HAPLN1: variants seen among roughly 807,000 people sequenced by gnomAD.
HAPLN1 encodes Cartilage link protein.
Under a neutral mutation model 36.5 loss-of-function variants are expected in HAPLN1, and 13 were observed. That is an observed-to-expected ratio of 0.36 (90% CI 0.23 to 0.57). The LOEUF is 0.57. Among genes scored for constraint, HAPLN1 ranks in the 20% least tolerant of loss-of-function variants. The pLI is 0.83. For missense variants in HAPLN1, 407 were observed against 439.7 expected (o/e 0.93, Z 0.66); for synonymous variants, 202 against 169.8 (o/e 1.19, Z -1.48).
chr5:83,645,699 T>C (rs1021238975), intron 3 of HAPLN1, among the ~76,000 whole-genome samples: 72 of 152,196 alleles, frequency 4.7e-4, no homozygotes, highest in African/African-American at 1.7e-3. Flanking sequence ...GAAAGCATCA[T>C]GGTACTCTTG....
chr5:83,641,722 A>G lies in HAPLN1; in HGVS notation c.839T>C (p.Leu280Pro). ...TTTTGCAATCTGAGCACCATCATTG[A>G]GACAAGCTTGCACCGCTTCATCATA... ...LTYDEAVQACLNDGAQIAKVG... is the reference protein window; with the variant it reads ...LTYDEAVQACPNDGAQIAKVG... Residue 280 changes from leucine to proline, a missense_variant, in exon 5 of 5, where the codon CTC becomes CCC. Coordinates refer to ENST00000274341, the MANE Select transcript of HAPLN1 (RefSeq NM_001884.4). The G allele has an allele frequency of 6.2e-7, 1 of 1,614,164 alleles. No homozygotes were observed. The highest frequency in any genetic ancestry group is 8.5e-7 in the Non-Finnish European group (1 of 1,180,026).
chr5:83,650,695 T>C (rs1750032108), intron 3 of HAPLN1, among the ~76,000 whole-genome samples: 1 of 145,970 alleles, frequency 6.9e-6, no homozygotes, highest in Non-Finnish European at 1.5e-5. Flanking sequence ...AGTGCAGTGG[T>C]GTGATCTCGG....
intron 1 of HAPLN1, among the ~76,000 whole-genome samples, chr5:83,691,643 G>T (rs1396178099): frequency 6.6e-6 from 1 of 151,910 alleles, no homozygotes; most frequent in Non-Finnish European, 1.5e-5. Context: ...AGTAATATTT[G>T]TAGGAATAAG....
intron 3 of HAPLN1, among the ~76,000 whole-genome samples, chr5:83,649,353 C>T (rs1409167457): frequency 6.6e-6 from 1 of 152,134 alleles, no homozygotes; most frequent in Non-Finnish European, 1.5e-5. Context: ...ATTTCTCTCT[C>T]TTATCTATGA....
intron 1 of HAPLN1, among the ~76,000 whole-genome samples, chr5:83,689,871 T>C (rs7707093): frequency 0.18 from 27,526 of 152,150 alleles, 3,215 homozygotes; most frequent in Non-Finnish European, 0.26. Context: ...AATTTTTTCA[T>C]TGGATTTATA....
intron 1 of HAPLN1, among the ~76,000 whole-genome samples, chr5:83,701,675 C>A (rs1330953705): frequency 1.3e-5 from 2 of 152,164 alleles, no homozygotes; most frequent in Non-Finnish European, 2.9e-5. Flanking sequence ...CGGTGACTCA[C>A]GCCAGTAATC....
intron 1 of HAPLN1, among the ~76,000 whole-genome samples, chr5:83,698,089 A>G (rs1023305979): frequency 6.6e-6 from 1 of 152,124 alleles, no homozygotes; most frequent in African/African-American, 2.4e-5. Context: ...CCACTGCTTA[A>G]TCAAAGGTCA....
intron 2 of HAPLN1, among the ~76,000 whole-genome samples, chr5:83,660,986 C>A (rs77503798): frequency 0.016 from 2,365 of 152,216 alleles, 26 homozygotes; most frequent in Middle Eastern, 0.027. Flanking sequence ...TACAAAACAG[C>A]GTCTATCTTC....
intron 1 of HAPLN1, among the ~76,000 whole-genome samples, chr5:83,716,561 C>T (rs182079823): frequency 6.6e-6 from 1 of 152,270 alleles, no homozygotes; most frequent in Admixed American, 6.5e-5. Context: ...TTAATAACAG[C>T]TATCTCCTTC....
chr5:83,678,862 A>G (rs1474749570), intron 1 of HAPLN1, among the ~76,000 whole-genome samples: 2 of 152,210 alleles, frequency 1.3e-5, no homozygotes, highest in Admixed American at 6.5e-5. Context: ...TCACCACAAA[A>G]TGGATACTGA....
intron 2 of HAPLN1, among the ~76,000 whole-genome samples, chr5:83,669,125 T>C (rs534175167): frequency 8.3e-4 from 127 of 152,346 alleles, no homozygotes; most frequent in African/African-American, 2.9e-3. Flanking sequence ...GCTCACATAG[T>C]AAATACATTA....
At position 83,639,645 on chromosome 5, in the gene HAPLN1, C is replaced by T. The variant is rs1749622781; in HGVS notation, c.*1851G>A. On this transcript the variant is annotated 3_prime_UTR_variant, in exon 5 of 5. Coordinates refer to ENST00000274341, the MANE Select transcript of HAPLN1 (RefSeq NM_001884.4). ...ATCTCATCCTAGACCATTTAGGTAT[C>T]TTCCTTAATTTAGAAGTGCAAGTTC... 1 of 151,998 alleles carries T rather than the reference C, an allele frequency of 6.6e-6. No homozygotes were observed. Among genetic ancestry groups the T allele is most frequent in the South Asian group, 2.1e-4 (1 of 4,830 alleles). The allele number at this position is 151,998 out of a possible 1,614,324, so 9.4% of individuals were successfully genotyped here.
chr5:83,644,030 C>G (rs1580116198), intron 4 of HAPLN1, among the ~76,000 whole-genome samples: 1 of 152,170 alleles, frequency 6.6e-6, no homozygotes, highest in East Asian at 1.9e-4. Flanking sequence ...CTTTGATTGA[C>G]AGAACCATAT....
chr5:83,695,652 A>C (rs1281177147), intron 1 of HAPLN1, among the ~76,000 whole-genome samples: 1 of 147,666 alleles, frequency 6.8e-6, no homozygotes, highest in Non-Finnish European at 1.5e-5. Flanking sequence ...TTATATATAG[A>C]TAAATATATA....
At position 83,683,265 on chromosome 5, in the gene HAPLN1, C is replaced by T. The variant is rs976127657; in HGVS notation, c.-26-9716G>A. 2.3e-4 allele frequency among the ~76,000 whole-genome samples: 35 copies of T among 152,140 alleles called. 1 individual carries two copies. The highest frequency in any genetic ancestry group is 2.0e-3 in the Admixed American group (31 of 15,258). On this transcript the variant is annotated intron_variant, in intron 1 of 4. Coordinates refer to ENST00000274341, the MANE Select transcript of HAPLN1 (RefSeq NM_001884.4). ...TCCCTTTCAACCTGGTCTCCAAATTCCCATCATTACAGTTACCAGTATAAA... is the reference window on the plus strand; with the variant it reads ...TCCCTTTCAACCTGGTCTCCAAATTTCCATCATTACAGTTACCAGTATAAA...
At chr5:83,648,339 C>A (rs1209984908) in intron 3 of HAPLN1, among the ~76,000 whole-genome samples, 1 of 143,642 alleles carries the variant, frequency 7.0e-6, no homozygotes, top group Non-Finnish European at 1.5e-5. Context: ...AACAGCAAGG[C>A]ACTGTGCTTG....
intron 2 of HAPLN1, among the ~76,000 whole-genome samples, chr5:83,661,651 A>G (rs904332236): frequency 5.9e-5 from 9 of 151,940 alleles, no homozygotes; most frequent in African/African-American, 2.2e-4. Context: ...TCACCGTGTT[A>G]GCCGGGATGG....
Position 83,644,424 on chromosome 5 carries a change from G to A in HAPLN1, c.714C>T (p.Tyr238=), listed in dbSNP as rs200074127. Residue 238 remains tyrosine, a synonymous_variant, in exon 4 of 5, where the codon TAC becomes TAT. Coordinates refer to ENST00000274341, the MANE Select transcript of HAPLN1 (RefSeq NM_001884.4). ...GQNTVPGVRN[Y]GFWDKDKSRY... ...TGCTTTTATCTTTATCCCAAAATCC[G>A]TAGTTCCTGACTCCGGGCACTGTGT... The A allele has an allele frequency of 4.6e-5, 74 of 1,602,444 alleles. No individual in the cohort carries two copies. The highest frequency in any genetic ancestry group is 1.7e-4 in the Middle Eastern group (1 of 6,008).
At chr5:83,691,273 G>A (rs1751265397) in intron 1 of HAPLN1, among the ~76,000 whole-genome samples, 1 of 151,966 alleles carries the variant, frequency 6.6e-6, no homozygotes, top group Non-Finnish European at 1.5e-5. Flanking sequence ...GAAATGAGAG[G>A]AAAGGAGAGA....
Sources: allele counts gnomAD v4.1 joint callset (sites outside exome capture counted in the v4.1 genomes callset), GRCh38; gene constraint gnomAD v4.1.1; transcripts MANE v1.5; gene names NCBI Gene and HGNC (gene_info 2026-07-23, HGNC 2026-07-21).